The following RAB30 variants were observed in gnomAD, a reference collection of about 807,000 sequenced individuals.
The protein encoded by RAB30 is RAB30, member RAS oncogene family.
In RAB30, 9 loss-of-function variants were observed where a neutral mutation model predicts 25.1. The observed-to-expected ratio is 0.36, with a 90% CI of 0.22 to 0.63. The LOEUF is 0.63. Ranked by LOEUF, RAB30 falls within the 20% of genes least tolerant of loss-of-function variation. The pLI is 0.69. For synonymous variants in RAB30, 77 were observed against 86.4 expected (o/e 0.89, Z 0.60); for missense variants, 140 against 243.5 (o/e 0.58, Z 2.83).
At chr11:83,048,914 T>C (rs942642357) in intron 1 of RAB30, among the ~76,000 whole-genome samples, 1 of 152,222 alleles carries the variant, frequency 6.6e-6, no homozygotes, top group African/African-American at 2.4e-5. Context: ...TCCACCCTTC[T>C]TAGATGCTCT....
rs1732351748 is a variant in RAB30 at position 82,982,128 on chromosome 11, C to G, written c.*37G>C. On this transcript the variant is annotated 3_prime_UTR_variant, in exon 5 of 5. Coordinates refer to ENST00000527633, the MANE Select transcript of RAB30 (RefSeq NM_001286060.2). ...CCCAGCATCTCATGGCCCATCAGGG[C>G]AGTTGCTGATTCCTTTTCTTCTCCG... 6.2e-6 allele frequency: 10 copies of G among 1,612,266 alleles called. No homozygotes were observed. Among genetic ancestry groups the G allele is most frequent in the African/African-American group, 1.3e-5 (1 of 75,006 alleles).
intron 3 of RAB30, 46 bp from the exon 4 acceptor site, chr11:82,987,816 G>C: frequency 8.0e-7 from 1 of 1,245,730 alleles, no homozygotes. Flanking sequence ...GATCAGGTTG[G>C]AGAAAAAAAG....
chr11:83,030,370 T>C (rs1320133396), intron 1 of RAB30, among the ~76,000 whole-genome samples: 2 of 150,954 alleles, frequency 1.3e-5, no homozygotes, highest in Non-Finnish European at 2.9e-5. Context: ...TGGTGGTATA[T>C]GCCTGTAGTC....
At chr11:83,001,458 C>T (rs184034725) in intron 1 of RAB30, among the ~76,000 whole-genome samples, 1 of 152,324 alleles carries the variant, frequency 6.6e-6, no homozygotes, top group Non-Finnish European at 1.5e-5. Flanking sequence ...GGATTACAGG[C>T]ATGAGCCACC....
At chr11:83,005,152 C>T (rs756024052) in intron 1 of RAB30, among the ~76,000 whole-genome samples, 1 of 152,198 alleles carries the variant, frequency 6.6e-6, no homozygotes, top group Non-Finnish European at 1.5e-5. Context: ...GACCTCCCAA[C>T]AACCTCAAGA....
intron 1 of RAB30, among the ~76,000 whole-genome samples, chr11:83,047,013 C>T (rs1858249311): frequency 6.6e-6 from 1 of 152,194 alleles, no homozygotes; most frequent in Non-Finnish European, 1.5e-5. Flanking sequence ...GCTCTTCACG[C>T]AGAGCAGTAC....
At chr11:83,031,872 A>G (rs1248893311) in intron 1 of RAB30, among the ~76,000 whole-genome samples, 2 of 152,190 alleles carry the variant, frequency 1.3e-5, no homozygotes, top group Non-Finnish European at 2.9e-5. Context: ...AGGTAAACTT[A>G]GTCGAGGTTC....
At chr11:83,019,560 T>G (rs1857517590) in intron 1 of RAB30, among the ~76,000 whole-genome samples, 1 of 152,114 alleles carries the variant, frequency 6.6e-6, no homozygotes, top group Non-Finnish European at 1.5e-5. Flanking sequence ...TCCCATTAAC[T>G]GTTCCAGTTT....
intron 1 of RAB30, among the ~76,000 whole-genome samples, chr11:83,046,250 A>T (rs1333066210): frequency 1.3e-5 from 2 of 152,192 alleles, no homozygotes; most frequent in Non-Finnish European, 2.9e-5. Flanking sequence ...TAAGATTCAT[A>T]CTTCCCTCGG....
chr11:83,034,178 T>C (rs1857937491), intron 1 of RAB30: 1 of 152,254 alleles, frequency 6.6e-6, no homozygotes, highest in African/African-American at 2.4e-5. Context: ...CTACCTTCAA[T>C]TTTCTCTCGT....
intron 2 of RAB30, among the ~76,000 whole-genome samples, chr11:82,996,383 C>A (rs530283841): frequency 6.6e-6 from 1 of 152,328 alleles, no homozygotes; most frequent in East Asian, 1.9e-4. Flanking sequence ...CATGTCTCAA[C>A]TCCCAAGCCA....
At chr11:83,036,169 T>C (rs534971295) in intron 1 of RAB30, among the ~76,000 whole-genome samples, 1 of 139,524 alleles carries the variant, frequency 7.2e-6, no homozygotes, top group African/African-American at 2.6e-5. Flanking sequence ...GTTCAAATTC[T>C]TTTTTTTTTT....
intron 1 of RAB30, among the ~76,000 whole-genome samples, chr11:83,013,627 T>C (rs528083457): frequency 6.6e-6 from 1 of 152,176 alleles, no homozygotes; most frequent in Non-Finnish European, 1.5e-5. Flanking sequence ...GGAGAGTTAA[T>C]TGGCAAAGAT....
rs1366556833 is a variant in RAB30 at position 82,977,822 on chromosome 11, C to T, written c.*4343G>A. The stretch of plus-strand genomic sequence containing the variant: ...ATAATAACATTCCAACATCAAGGGA[C>T]TGAGGAGAGGAGATGAAATGCCATC... On this transcript the variant is annotated 3_prime_UTR_variant, in exon 5 of 5. Coordinates refer to ENST00000527633, the MANE Select transcript of RAB30 (RefSeq NM_001286060.2). 3 of 152,120 alleles carry T rather than the reference C, an allele frequency of 2.0e-5. No individual in the cohort carries two copies. The East Asian group carries it at 5.8e-4, about 29-fold the overall frequency. 9.4% of individuals were successfully genotyped at this position (152,120 alleles called of 1,614,324 possible). A position where few individuals can be genotyped will look rare whatever the true frequency, so the allele number is the denominator to read the frequency against.
rs972003187 is a variant in RAB30, at chr11:82,973,467, A to T, written c.*8698T>A. The T allele has an allele frequency of 6.6e-6, 1 of 152,240 alleles. No homozygotes were observed. The highest frequency in any genetic ancestry group is 1.9e-4 in the East Asian group (1 of 5,200). 9.4% of individuals were successfully genotyped at this position (152,240 alleles called of 1,614,324 possible). On this transcript the variant is annotated 3_prime_UTR_variant, in exon 5 of 5. Transcript: ENST00000527633. ...AAAGATTGAATGAGTACTCTTATCCAGCATGATTTGTAGTTGTCCTTTAAA... is the reference window on the plus strand; with the variant it reads ...AAAGATTGAATGAGTACTCTTATCCTGCATGATTTGTAGTTGTCCTTTAAA...
intron 1 of RAB30, among the ~76,000 whole-genome samples, chr11:83,023,064 T>C (rs1198631655): frequency 6.6e-6 from 1 of 152,062 alleles, no homozygotes; most frequent in African/African-American, 2.4e-5. Context: ...TGGTGGGTAT[T>C]TGGGTGTTCA....
intron 1 of RAB30, among the ~76,000 whole-genome samples, chr11:83,052,430 G>T (rs1858376471): frequency 6.6e-6 from 1 of 152,188 alleles, no homozygotes; most frequent in Non-Finnish European, 1.5e-5. Context: ...CCAGGGAAGA[G>T]AAATGGCCTG....
intron 1 of RAB30, chr11:83,038,974 T>C (rs1858047437): frequency 6.6e-6 from 1 of 152,188 alleles, no homozygotes; most frequent in Non-Finnish European, 1.5e-5. Flanking sequence ...TATTCCATTG[T>C]AAAAATCAGA....
At chr11:83,037,008 T>C (rs1432743237) in intron 1 of RAB30, among the ~76,000 whole-genome samples, 2 of 152,164 alleles carry the variant, frequency 1.3e-5, no homozygotes, top group Non-Finnish European at 2.9e-5. Context: ...GGAAATAGTG[T>C]AATCTGACTT....
Sources: allele counts gnomAD v4.1 joint callset (sites outside exome capture counted in the v4.1 genomes callset), GRCh38; gene constraint gnomAD v4.1.1; transcripts MANE v1.5; gene names NCBI Gene and HGNC (gene_info 2026-07-23, HGNC 2026-07-21).